Variants in TYW1 observed in about 807,000 individuals in gnomAD.
TYW1 encodes tRNA-yW synthesizing protein 1 homolog, also known as S-adenosyl-L-methionine-dependent tRNA 4-demethylwyosine synthase TYW1.
A neutral mutation model predicts 96.2 loss-of-function variants in TYW1; 46 were observed. That is an observed-to-expected ratio of 0.48 (90% CI 0.38 to 0.61). The LOEUF is 0.61. Ranked by LOEUF, TYW1 falls within the 20% of genes least tolerant of loss-of-function variation. The pLI is 0.00. For missense variants in TYW1, 684 were observed against 909.6 expected (o/e 0.75, Z 3.19); for synonymous variants, 274 against 323.0 (o/e 0.85, Z 1.63).
chr7:67,077,258 A>AT (rs1225278820), intron 10 of TYW1, among the ~76,000 whole-genome samples: 123 of 152,310 alleles, frequency 8.1e-4, no homozygotes, highest in African/African-American at 2.9e-3. Flanking sequence ...TTGGATGTAT[A>AT]TTCAGTAGTG....
At chr7:67,112,109 AAAAAAAAAAAAAAAG>A (rs1797432604) in intron 12 of TYW1, among the ~76,000 whole-genome samples, 1 of 77,670 alleles carries the variant, frequency 1.3e-5, no homozygotes, top group Non-Finnish European at 2.8e-5. Context: ...ACAAAAAAAA[AAAAAAAAAAAAAAAG>A]AAAGTGCAAA....
At chr7:67,235,907 AAAAG>A (rs1475941321) in intron 15 of TYW1, among the ~76,000 whole-genome samples, 3 of 136,424 alleles carry the variant, frequency 2.2e-5, no homozygotes, top group Non-Finnish European at 4.8e-5. Flanking sequence ...AAAAAAAAAA[AAAAG>A]AAAAAGAGGT....
At chr7:67,228,016 A>G (rs537293193) in intron 15 of TYW1, among the ~76,000 whole-genome samples, 2 of 152,124 alleles carry the variant, frequency 1.3e-5, no homozygotes, top group African/African-American at 2.4e-5. Flanking sequence ...GCACTGGTGA[A>G]TGTGTTTTCT....
chr7:67,091,509 C>T (rs972836425), intron 11 of TYW1, among the ~76,000 whole-genome samples: 23 of 152,090 alleles, frequency 1.5e-4, no homozygotes, highest in Admixed American at 7.2e-4. Context: ...CACATGTTTA[C>T]ATATGTAACA....
intron 11 of TYW1, among the ~76,000 whole-genome samples, chr7:67,092,552 C>T (rs980801272): frequency 2.0e-5 from 3 of 152,124 alleles, no homozygotes; most frequent in African/African-American, 7.2e-5. Context: ...CTACACTCTC[C>T]TTTTCAGCAA....
chr7:67,005,334 G>C (rs922385769), intron 3 of TYW1, among the ~76,000 whole-genome samples: 1 of 152,078 alleles, frequency 6.6e-6, no homozygotes. Context: ...AGTGGCTCAC[G>C]CCTATAATCC....
intron 14 of TYW1, among the ~76,000 whole-genome samples, chr7:67,186,020 T>C (rs373628328): frequency 0.089 from 12,757 of 143,282 alleles, 634 homozygotes; most frequent in Middle Eastern, 0.13. Context: ...CTGAAGACAC[T>C]CTTGAAATTG....
At chr7:67,167,468 C>CAAAAAAAAA (rs869281504) in intron 13 of TYW1, among the ~76,000 whole-genome samples, 1 of 78,804 alleles carries the variant, frequency 1.3e-5, no homozygotes, top group African/African-American at 5.0e-5. Context: ...GACTCTGTCT[C>CAAAAAAAAA]AAAAAAAAAA....
chr7:67,141,506 C>T (rs1198600777), intron 13 of TYW1, among the ~76,000 whole-genome samples: 3 of 152,172 alleles, frequency 2.0e-5, no homozygotes, highest in Admixed American at 2.0e-4. Context: ...TATTCCCCCG[C>T]CTTTTGGAAG....
At chr7:67,148,859 C>A (rs1798698975) in intron 13 of TYW1, among the ~76,000 whole-genome samples, 1 of 152,126 alleles carries the variant, frequency 6.6e-6, no homozygotes. Flanking sequence ...ATAACCATTG[C>A]TTTCAATTTG....
At chr7:67,032,205 G>T (rs3844315) in intron 7 of TYW1, among the ~76,000 whole-genome samples, 6 of 152,180 alleles carry the variant, frequency 3.9e-5, no homozygotes, top group East Asian at 3.8e-4. Context: ...TTTTTTTGTT[G>T]TATTTTTATT....
rs552799567 is a variant in TYW1 at position 66,999,596 on chromosome 7, C to T, written c.273+642C>T. 1.3e-3 allele frequency among the ~76,000 whole-genome samples: 204 copies of T among 152,240 alleles called. 1 individual carries two copies. Among genetic ancestry groups the T allele is most frequent in the African/African-American group, 4.7e-3 (197 of 41,540 alleles). ...CTCAAACTCCTGGGCTCAGGTGATC[C>T]GCTTGCCTCGGCCTCCCAAAGTGCT... is the stretch of plus-strand genomic sequence containing the variant. On this transcript the variant is annotated intron_variant, in intron 3 of 15. Transcript: ENST00000359626.
At chr7:67,048,952 T>A (rs11773131) in intron 7 of TYW1, among the ~76,000 whole-genome samples, 38,600 of 152,152 alleles carry the variant, frequency 0.25, 5,068 homozygotes, top group East Asian at 0.46. Flanking sequence ...AGGTGGTGTT[T>A]GCAGTGAGCC....
At chr7:67,173,608 C>A (rs1799578686) in intron 13 of TYW1, among the ~76,000 whole-genome samples, 1 of 145,106 alleles carries the variant, frequency 6.9e-6, no homozygotes, top group Non-Finnish European at 1.5e-5. Flanking sequence ...TCTTCCAAAT[C>A]TGTTTTCTTT....
intron 13 of TYW1, among the ~76,000 whole-genome samples, chr7:67,130,124 T>TA (rs1169659926): frequency 6.6e-6 from 1 of 152,084 alleles, no homozygotes; most frequent in Non-Finnish European, 1.5e-5. Flanking sequence ...CTCATGCCTC[T>TA]AATCCCAGCA....
chr7:67,226,266 C>T (rs991493904), intron 15 of TYW1, among the ~76,000 whole-genome samples: 1 of 152,140 alleles, frequency 6.6e-6, no homozygotes, highest in Non-Finnish European at 1.5e-5. Context: ...CTCCTTCTTG[C>T]TAGGGACCCG....
intron 7 of TYW1, among the ~76,000 whole-genome samples, chr7:67,042,867 C>T (rs772186110): frequency 1.3e-4 from 19 of 151,868 alleles, no homozygotes; most frequent in Non-Finnish European, 2.4e-4. Flanking sequence ...TGTGGTGGCA[C>T]ACGCCTGTAA....
At chr7:67,095,576 T>A (rs944252242) in intron 11 of TYW1, among the ~76,000 whole-genome samples, 14 of 151,902 alleles carry the variant, frequency 9.2e-5, no homozygotes, top group Non-Finnish European at 1.9e-4. Context: ...GAGAATTGCT[T>A]GAACCCGGGA....
At chr7:67,095,289 G>A (rs1446216881) in intron 11 of TYW1, among the ~76,000 whole-genome samples, 2 of 151,954 alleles carry the variant, frequency 1.3e-5, no homozygotes, top group South Asian at 2.1e-4. Flanking sequence ...ATGAGCTGCC[G>A]TGCCCAACCG....
Sources: allele counts gnomAD v4.1 joint callset (sites outside exome capture counted in the v4.1 genomes callset), GRCh38; gene constraint gnomAD v4.1.1; transcripts MANE v1.5; gene names NCBI Gene and HGNC (gene_info 2026-07-23, HGNC 2026-07-21).